The following CTNNA2 variants were observed in gnomAD, a reference collection of about 807,000 sequenced individuals.
CTNNA2 encodes the protein catenin alpha-2.
Under a neutral mutation model 101.0 loss-of-function variants are expected in CTNNA2, and 42 were observed. That is an observed-to-expected ratio of 0.42 (90% confidence interval 0.32 to 0.54). The LOEUF is 0.54. CTNNA2 is among the 20% of genes least tolerant of loss of function. The pLI, the probability that CTNNA2 is intolerant of heterozygous loss-of-function variation, is 0.14. For synonymous variants in CTNNA2, 450 were observed against 456.4 expected (o/e 0.99, Z 0.18); for missense variants, 871 against 1,223.1 (o/e 0.71, Z 4.29).
At chr2:80,359,512 G>A (rs1674179570) in intron 7 of CTNNA2, among the ~76,000 whole-genome samples, 2 of 152,146 alleles carry the variant, frequency 1.3e-5, no homozygotes, top group Admixed American at 6.5e-5. Context: ...CTTTGGTGCT[G>A]TTCTCATGAC....
In CTNNA2 at chr2:79,824,629, T is replaced by C. The variant is rs1050655879; in HGVS notation, c.299-33384T>C. ...CAACTTATGTAAAAGTAAAAATCAA[T>C]CTAAATGATCTTACACAAGATATTT... On this transcript the variant is annotated intron_variant, in intron 3 of 18. Transcript: ENST00000402739. Among the ~76,000 whole-genome samples the C allele has an allele frequency of 2.0e-5, 3 of 148,496 alleles. No individual in the cohort carries two copies. The East Asian group carries it at 5.8e-4, about 29-fold the overall frequency.
At chr2:79,231,434 C>A (rs1328777375) in intron 2 of CTNNA2, among the ~76,000 whole-genome samples, 2 of 152,166 alleles carry the variant, frequency 1.3e-5, no homozygotes, top group African/African-American at 4.8e-5. Context: ...GAGGTCTTCC[C>A]CAGCCATGTA....
In CTNNA2 at chr2:79,401,615, A is replaced by C. The variant is rs143744811; in HGVS notation, c.-135+27602A>C. ...AGAAACAGTTCAAGAACAAATGTTA[A>C]AGTAAATCACAGGGAAATTAAAATG... is the stretch of plus-strand genomic sequence containing the variant. On this transcript the variant is annotated intron_variant, in intron 4 of 21. Coordinates refer to the CTNNA2 transcript ENST00000466387. 3.9e-4 allele frequency among the ~76,000 whole-genome samples: 59 copies of C among 151,660 alleles called. No individual in the cohort carries two copies. In the East Asian group the frequency reaches 7.4e-3, roughly 19 times the overall value.
intron 7 of CTNNA2, among the ~76,000 whole-genome samples, chr2:80,203,901 C>T (rs1035006323): frequency 3.3e-5 from 5 of 152,320 alleles, no homozygotes; most frequent in African/African-American, 4.8e-5. Context: ...GAAATCTAGG[C>T]GGAGGTTCCC....
intron 9 of CTNNA2, among the ~76,000 whole-genome samples, chr2:80,526,912 A>T (rs1424112041): frequency 6.6e-6 from 1 of 152,110 alleles, no homozygotes; most frequent in Non-Finnish European, 1.5e-5. Flanking sequence ...ATGGAGTTTT[A>T]AAAAAAATCC....
rs914992852 is a variant in CTNNA2 at position 79,763,672 on chromosome 2, A to G, written c.298+19090A>G. ...ACAATATGATCTGGTAATATCATCCATCTGCTTTGTAATAAAGCCACAGTC... is the reference window on the plus strand; with the variant it reads ...ACAATATGATCTGGTAATATCATCCGTCTGCTTTGTAATAAAGCCACAGTC... On this transcript the variant is annotated intron_variant, in intron 3 of 18. Transcript: ENST00000402739. Among the ~76,000 whole-genome samples the G allele has an allele frequency of 4.6e-5, 7 of 152,182 alleles. No homozygotes were observed. In the East Asian group the frequency reaches 9.6e-4, roughly 21 times the overall value.
In CTNNA2 at chr2:80,142,865, G is replaced by A. The variant is rs186711165; in HGVS notation, c.1056+233068G>A. On this transcript the variant is annotated intron_variant, in intron 7 of 18. Coordinates refer to ENST00000402739, the MANE Select transcript of CTNNA2 (RefSeq NM_001282597.3). ...GGACAACCTTGTATGGAGTAACAAA[G>A]GGCCATTGGATCATTCCTCAGGTGC... Among the ~76,000 whole-genome samples, 324 of 151,330 alleles carry A rather than the reference G, an allele frequency of 2.1e-3. 4 individuals carry two copies. Among genetic ancestry groups the A allele is most frequent in the Middle Eastern group, 0.014 (4 of 292 alleles).
intron 7 of CTNNA2, among the ~76,000 whole-genome samples, chr2:80,386,807 G>C (rs1445769647): frequency 2.6e-5 from 4 of 152,146 alleles, no homozygotes; most frequent in African/African-American, 7.2e-5. Flanking sequence ...CATGTCTGCA[G>C]GTCCCTTCAA....
chr2:80,401,930 T>C (rs1678586303), intron 8 of CTNNA2, among the ~76,000 whole-genome samples: 1 of 152,212 alleles, frequency 6.6e-6, no homozygotes, highest in Non-Finnish European at 1.5e-5. Flanking sequence ...AATTCAATTC[T>C]AACACTATCT....
intron 2 of CTNNA2, among the ~76,000 whole-genome samples, chr2:79,276,359 C>T (rs1006006373): frequency 1.3e-5 from 2 of 151,974 alleles, no homozygotes; most frequent in African/African-American, 2.4e-5. Context: ...ATGGTTTTGT[C>T]GACTTTTTCT....
intron 1 of CTNNA2, among the ~76,000 whole-genome samples, chr2:79,574,436 TTAAC>T (rs376294450): frequency 3.5e-3 from 537 of 152,324 alleles, no homozygotes; most frequent in African/African-American, 0.012. Context: ...TATTCAATGT[TTAAC>T]TACCACTTTT....
At chr2:79,742,662 C>T (rs1330996236) in intron 2 of CTNNA2, among the ~76,000 whole-genome samples, 1 of 152,160 alleles carries the variant, frequency 6.6e-6, no homozygotes, top group Non-Finnish European at 1.5e-5. Context: ...ATGGTTGCCT[C>T]ACATGGGTGG....
In CTNNA2 at chr2:79,874,124, G is replaced by T; in HGVS notation, c.634G>T (p.Ala212Ser). The change falls in exon 6 of 19, where the codon GCT becomes TCT. Residue 212 changes from alanine to serine, a missense_variant. This residue lies in a region of CTNNA2 where 647 missense variants were observed against 831.5 expected (regional missense o/e 0.78). Coordinates refer to ENST00000402739, the MANE Select transcript of CTNNA2 (RefSeq NM_001282597.3). ...CRDEMAAARG[A>S]LKKNATMLYT... ...GGATGAGATGGCAGCCGCCCGAGGG[G>T]CTCTGAAGAAGAATGCCACAATGCT... is the stretch of plus-strand genomic sequence containing the variant. 1.2e-6 allele frequency: 2 copies of T among 1,614,188 alleles called. No individual in the cohort carries two copies. Among genetic ancestry groups the T allele is most frequent in the Non-Finnish European group, 1.7e-6 (2 of 1,180,034 alleles).
chr2:79,892,291 A>G (rs1284022049), intron 6 of CTNNA2, among the ~76,000 whole-genome samples: 2 of 152,294 alleles, frequency 1.3e-5, no homozygotes, highest in South Asian at 2.1e-4. Flanking sequence ...ATGGAAGGCT[A>G]TGTATAACAA....
intron 4 of CTNNA2, among the ~76,000 whole-genome samples, chr2:79,431,526 A>T (rs1212948458): frequency 6.6e-6 from 1 of 152,194 alleles, no homozygotes; most frequent in Non-Finnish European, 1.5e-5. Context: ...AACTTGTCAG[A>T]CATGACACGT....
intron 7 of CTNNA2, among the ~76,000 whole-genome samples, chr2:80,002,748 A>G (rs1376218435): frequency 2.0e-5 from 3 of 152,142 alleles, no homozygotes; most frequent in African/African-American, 4.8e-5. Context: ...TCAAGTATAT[A>G]TTCCTGACCA....
At chr2:79,466,254 C>T (rs940808217) in intron 4 of CTNNA2, among the ~76,000 whole-genome samples, 1 of 152,338 alleles carries the variant, frequency 6.6e-6, no homozygotes, top group East Asian at 1.9e-4. Flanking sequence ...CTTGGAGGGT[C>T]CCATGCCCAT....
intron 7 of CTNNA2, among the ~76,000 whole-genome samples, chr2:79,941,760 A>G (rs1351387561): frequency 6.6e-6 from 1 of 152,116 alleles, no homozygotes; most frequent in Non-Finnish European, 1.5e-5. Context: ...CTGGGATTAC[A>G]GGCATCTACC....
In CTNNA2 at chr2:80,005,993, CACTAA is replaced by C. The variant is rs370907949; in HGVS notation, c.1056+96198_1056+96202del. ...AATTATACTCATGAACATTTATATC[CACTAA>C]AGAATAAGTTTCCATAATCCATTGC... On this transcript the variant is annotated intron_variant, in intron 7 of 18. Coordinates refer to ENST00000402739, the MANE Select transcript of CTNNA2 (RefSeq NM_001282597.3). Among the ~76,000 whole-genome samples, 619 of 152,158 alleles carry C rather than the reference CACTAA, an allele frequency of 4.1e-3. 5 individuals are homozygous for C. Among genetic ancestry groups the C allele is most frequent in the African/African-American group, 0.014 (594 of 41,530 alleles).
Sources: gnomAD v4.1 joint callset for allele counts (sites outside exome capture counted in the v4.1 genomes callset) on GRCh38, gnomAD v4.1.1 for gene constraint, gnomAD v4.1.1 regional missense constraint, MANE v1.5 for transcripts, NCBI Gene and HGNC (gene_info 2026-07-23, HGNC 2026-07-21) for gene names.